The following SEMA5A variants were observed in gnomAD, a reference collection of about 807,000 sequenced individuals.
The protein encoded by SEMA5A is semaphorin 5A, also known as semaphorin-5A.
Under a neutral mutation model 135.5 loss-of-function variants are expected in SEMA5A, and 55 were observed. The ratio of observed to expected loss-of-function variants is 0.41; its 90% CI spans 0.33 to 0.51. The LOEUF is 0.51. Ranked by LOEUF, SEMA5A falls within the 20% of genes least tolerant of loss-of-function variation. The pLI is 0.37. For missense variants in SEMA5A, 1,290 were observed against 1,419.9 expected (o/e 0.91, Z 1.47); for synonymous variants, 580 against 546.5 (o/e 1.06, Z -0.85).
At chr5:9,324,663 G>C (rs1310164730) in intron 4 of SEMA5A, among the ~76,000 whole-genome samples, 1 of 152,112 alleles carries the variant, frequency 6.6e-6, no homozygotes. Context: ...CCTTCTAAAG[G>C]GGATAAAAAA....
chr5:9,197,728 T>TGTGTGTGTGTGTGTGTGTG (rs1745474170), intron 9 of SEMA5A, among the ~76,000 whole-genome samples: 1 of 59,288 alleles, frequency 1.7e-5, no homozygotes, highest in Admixed American at 2.2e-4. Flanking sequence ...GGAAAGCTGT[T>TGTGTGTGTGTGTGTGTGTG]TGTGTGTGTG....
At chr5:9,504,701 G>T (rs1378746796) in intron 1 of SEMA5A, among the ~76,000 whole-genome samples, 1 of 152,346 alleles carries the variant, frequency 6.6e-6, no homozygotes, top group South Asian at 2.1e-4. Flanking sequence ...AAGGACAGGT[G>T]CAAGGGAGGA....
intron 12 of SEMA5A, among the ~76,000 whole-genome samples, chr5:9,143,950 C>A (rs1742195580): frequency 6.6e-6 from 1 of 152,206 alleles, no homozygotes; most frequent in Non-Finnish European, 1.5e-5. Flanking sequence ...GGACCAAAAC[C>A]AGGACAAAGG....
intron 16 of SEMA5A, among the ~76,000 whole-genome samples, chr5:9,071,161 C>T (rs554692460): frequency 3.3e-5 from 5 of 152,260 alleles, no homozygotes; most frequent in African/African-American, 1.2e-4. Flanking sequence ...ATGTTCCCCA[C>T]GTATTATGTA....
chr5:9,097,954 A>G lies in SEMA5A; in HGVS notation c.2073+10186T>C, dbSNP rs963848266. Among the ~76,000 whole-genome samples the G allele has an allele frequency of 8.5e-5, 13 of 152,270 alleles. No individual in the cohort carries two copies. The South Asian group carries it at 2.7e-3, about 32-fold the overall frequency. ...GCTGGATAGCCAAATCTCTTTTTAA[A>G]AAATAAGGGCTGAGTGTGGTGGCTC... On this transcript the variant is annotated intron_variant, in intron 16 of 22. Coordinates refer to ENST00000382496, the MANE Select transcript of SEMA5A (RefSeq NM_003966.3).
At chr5:9,358,800 T>A (rs574670854) in intron 3 of SEMA5A, among the ~76,000 whole-genome samples, 2 of 152,282 alleles carry the variant, frequency 1.3e-5, no homozygotes, top group Non-Finnish European at 2.9e-5. Context: ...GAGAGAGTTC[T>A]TTGAACTACA....
chr5:9,527,671 T>C (rs989268147), intron 1 of SEMA5A, among the ~76,000 whole-genome samples: 5 of 152,234 alleles, frequency 3.3e-5, no homozygotes, highest in Non-Finnish European at 7.3e-5. Flanking sequence ...GTGCTCACTA[T>C]GGAACAGGCA....
At chr5:9,348,257 A>G (rs1753963583) in intron 3 of SEMA5A, among the ~76,000 whole-genome samples, 1 of 152,198 alleles carries the variant, frequency 6.6e-6, no homozygotes, top group Non-Finnish European at 1.5e-5. Flanking sequence ...GAAGCAATTA[A>G]TTAGGATAAG....
chr5:9,227,086 A>G (rs1747356830), intron 6 of SEMA5A, 119 bp from the exon 7 acceptor site: 1 of 395,678 alleles, frequency 2.5e-6, no homozygotes, highest in Admixed American at 4.9e-5. Flanking sequence ...TCTAATAAAT[A>G]TGTAAGCCAT....
intron 2 of SEMA5A, among the ~76,000 whole-genome samples, chr5:9,418,158 A>G (rs1306769463): frequency 6.6e-6 from 1 of 151,902 alleles, no homozygotes; most frequent in Non-Finnish European, 1.5e-5. Flanking sequence ...TTGTATTTTT[A>G]GTAGAGATGG....
At chr5:9,487,014 C>A (rs1215902524) in intron 1 of SEMA5A, among the ~76,000 whole-genome samples, 1 of 13,138 alleles carries the variant, frequency 7.6e-5, no homozygotes, top group Non-Finnish European at 2.9e-4. Flanking sequence ...CATAGATTGT[C>A]TCTGAAAAAA....
intron 5 of SEMA5A, among the ~76,000 whole-genome samples, chr5:9,315,121 CTATT>C (rs1752334298): frequency 6.6e-6 from 1 of 152,106 alleles, no homozygotes; most frequent in Non-Finnish European, 1.5e-5. Context: ...TTTTTTGCAT[CTATT>C]TATTTGGACA....
intron 15 of SEMA5A, among the ~76,000 whole-genome samples, chr5:9,111,577 C>A (rs1740241653): frequency 6.6e-6 from 1 of 152,132 alleles, no homozygotes. Flanking sequence ...AATAACCTGC[C>A]TTGTTTTTTT....
chr5:9,094,997 G>A (rs1045340698), intron 16 of SEMA5A, among the ~76,000 whole-genome samples: 1 of 150,596 alleles, frequency 6.6e-6, no homozygotes, highest in Non-Finnish European at 1.5e-5. Context: ...GGAAATGAAG[G>A]GACAAGTGTT....
intron 4 of SEMA5A, among the ~76,000 whole-genome samples, chr5:9,329,094 T>C (rs1753001312): frequency 6.6e-6 from 1 of 152,156 alleles, no homozygotes; most frequent in Admixed American, 6.5e-5. Context: ...TCCTCAAGCA[T>C]CTCTCAGGCC....
At chr5:9,390,236 G>A (rs1304530558) in intron 2 of SEMA5A, among the ~76,000 whole-genome samples, 4 of 152,134 alleles carry the variant, frequency 2.6e-5, no homozygotes, top group Non-Finnish European at 5.9e-5. Flanking sequence ...AGGGATGAAG[G>A]GATTACTATA....
In SEMA5A at chr5:9,311,799, T is replaced by A. The variant is rs533333780; in HGVS notation, c.270+6573A>T. On this transcript the variant is annotated intron_variant, in intron 5 of 22. Coordinates refer to ENST00000382496, the MANE Select transcript of SEMA5A (RefSeq NM_003966.3). ...AAAGAAGTTAATATCCACTTTAACT[T>A]TGGAGAGAATTCTCTACCGATATTG... Among the ~76,000 whole-genome samples the A allele has an allele frequency of 2.0e-5, 3 of 152,154 alleles. No homozygotes were observed. In the South Asian group the frequency reaches 6.2e-4, roughly 32 times the overall value.
chr5:9,475,470 G>C (rs1033022280), intron 1 of SEMA5A, among the ~76,000 whole-genome samples: 1 of 152,148 alleles, frequency 6.6e-6, no homozygotes, highest in Non-Finnish European at 1.5e-5. Context: ...CTCTAATTTT[G>C]AGCAGGTCAA....
intron 2 of SEMA5A, among the ~76,000 whole-genome samples, chr5:9,428,165 T>TATCTATCC (rs1561245269): frequency 2.9e-4 from 27 of 93,900 alleles, no homozygotes; most frequent in Non-Finnish European, 5.1e-4. Context: ...TCTATCTATC[T>TATCTATCC]ATCCATCCAT....
Sources: gnomAD v4.1 joint callset for allele counts (sites outside exome capture counted in the v4.1 genomes callset) on GRCh38, gnomAD v4.1.1 for gene constraint, MANE v1.5 for transcripts, NCBI Gene and HGNC (gene_info 2026-07-23, HGNC 2026-07-21) for gene names.